The following GBP7 variants were observed in gnomAD, a reference collection of about 807,000 sequenced individuals.
GBP7 encodes the protein guanylate binding protein 7.
Under a neutral mutation model 61.3 loss-of-function variants are expected in GBP7, and 43 were observed. The ratio of observed to expected loss-of-function variants is 0.70; its 90% CI spans 0.55 to 0.91. The LOEUF is 0.91. GBP7 is among the 40% of genes least tolerant of loss of function. The pLI, the probability that GBP7 is intolerant of heterozygous loss-of-function variation, is 0.00. For synonymous variants in GBP7, 267 were observed against 271.0 expected (o/e 0.99, Z 0.14); for missense variants, 717 against 740.5 (o/e 0.97, Z 0.37).
At chr1:89,169,797 G>A (rs1048324214) in intron 2 of GBP7, among the ~76,000 whole-genome samples, 1 of 152,174 alleles carries the variant, frequency 6.6e-6, no homozygotes, top group African/African-American at 2.4e-5. Flanking sequence ...GAAGTTGATG[G>A]CTTCATGCTA....
intron 8 of GBP7, among the ~76,000 whole-genome samples, chr1:89,144,718 G>A (rs1441992400): frequency 6.6e-6 from 1 of 152,088 alleles, no homozygotes; most frequent in Non-Finnish European, 1.5e-5. Flanking sequence ...ACCTCATGCA[G>A]TTATCTTTTT....
At chr1:89,164,883 A>T (rs778768734) in intron 2 of GBP7, 25 bp from the exon 3 acceptor site, 3 of 1,611,712 alleles carry the variant, frequency 1.9e-6, no homozygotes, top group Non-Finnish European at 2.5e-6. Flanking sequence ...GAGAAACAAC[A>T]TATAGTGACA....
At position 89,154,656 on chromosome 1, in the gene GBP7, CT is replaced by C. The variant is rs750224571; in HGVS notation, c.319-1880del. On this transcript the variant is annotated intron_variant, in intron 3 of 10. Coordinates refer to ENST00000294671, the MANE Select transcript of GBP7 (RefSeq NM_207398.3). ...GCGACCACACCTGGCCTCTATTTTC[CT>C]TTTTTTTTTTTTAACTTTAAATTTA... Among the ~76,000 whole-genome samples the C allele has an allele frequency of 8.2e-3, 1,159 of 141,026 alleles. 4 individuals are homozygous for C. The highest frequency in any genetic ancestry group is 9.9e-3 in the South Asian group (44 of 4,424). The allele number at this position is 141,026 out of a possible 152,430, so 92.5% of individuals were successfully genotyped here.
At chr1:89,166,941 C>A (rs1482866972) in intron 2 of GBP7, among the ~76,000 whole-genome samples, 1 of 152,178 alleles carries the variant, frequency 6.6e-6, no homozygotes, top group Non-Finnish European at 1.5e-5. Context: ...TTTCAGAACA[C>A]CCTGCATGTA....
Position 89,170,841 on chromosome 1 carries a change from C to T in GBP7, c.190+905G>A, listed in dbSNP as rs115498893. ...TACTTCCAGTAATAGCCAGTCCTAA[C>T]CACAATCTTGCAAGTGGCCTTACTT... On this transcript the variant is annotated intron_variant, in intron 2 of 10. Transcript: ENST00000294671. Among the ~76,000 whole-genome samples, 1,348 of 152,280 alleles carry T rather than the reference C, an allele frequency of 8.9e-3. 14 individuals carry two copies. The highest frequency in any genetic ancestry group is 0.031 in the African/African-American group (1,282 of 41,552).
intron 4 of GBP7, 29 bp downstream of exon 4, chr1:89,152,639 A>G (rs201184762): frequency 6.3e-7 from 1 of 1,599,642 alleles, no homozygotes; most frequent in Admixed American, 1.7e-5. Flanking sequence ...ACTCCATAAA[A>G]CCTGGCTCTT....
rs1647376001 is a variant in GBP7, at chr1:89,164,796, G to A, written c.253C>T (p.His85Tyr). 1 of 1,613,346 alleles carries A rather than the reference G, an allele frequency of 6.2e-7. No homozygotes were observed. Among genetic ancestry groups the A allele is most frequent in the South Asian group, 1.1e-5 (1 of 91,072 alleles). The change falls in exon 3 of 11, where the codon CAC (histidine) becomes TAC (tyrosine). Residue 85 changes from histidine to tyrosine, a missense_variant. Around this residue, in one of 3 missense-constraint regions of GBP7, gnomAD observed 387 missense variants for 385.2 expected, o/e 1.00. Transcript: ENST00000294671. ...AGGGTGTGGTTTGGCTTGGAGGGGT[G>A]GGGCACACACCACATCCAGATGCCT... ...TKGIWMWCVP[H>Y]PSKPNHTLIL...
intron 3 of GBP7, among the ~76,000 whole-genome samples, chr1:89,158,580 A>T (rs1488136202): frequency 6.7e-6 from 1 of 148,390 alleles, no homozygotes; most frequent in Non-Finnish European, 1.5e-5. Context: ...ACAAACAGAA[A>T]GCCAAATCAT....
rs746502372 is a variant in GBP7, at chr1:89,152,732, G to A, written c.364C>T (p.Leu122=). The part of the protein sequence containing the change: ...DSWIFALAVL[L]SSSFVYNSMG... ...CTGTTGTAGACAAAGCTGCTGCTTA[G>A]AAGCACAGCCAGGGCAAAGATCCAC... The change falls in exon 4 of 11, where the codon CTA becomes TTA. Residue 122 remains leucine (L), a synonymous_variant. Coordinates refer to ENST00000294671, the MANE Select transcript of GBP7 (RefSeq NM_207398.3). 6.2e-7 allele frequency: 1 copy of A among 1,609,388 alleles called. No homozygotes were observed. The highest frequency in any genetic ancestry group is 2.2e-5 in the East Asian group (1 of 44,686).
chr1:89,174,315 T>G (rs1647682959), intron 1 of GBP7, among the ~76,000 whole-genome samples: 1 of 152,162 alleles, frequency 6.6e-6, no homozygotes. Flanking sequence ...TATAATTTTG[T>G]AGATATTGCC....
chr1:89,170,017 C>T (rs1011385607), intron 2 of GBP7, among the ~76,000 whole-genome samples: 2 of 152,188 alleles, frequency 1.3e-5, no homozygotes. Context: ...CAGATGCTTT[C>T]TTCCATGTAG....
chr1:89,150,086 T>G (rs1459617283), intron 6 of GBP7, among the ~76,000 whole-genome samples: 1 of 152,244 alleles, frequency 6.6e-6, no homozygotes. Context: ...AAGATTACGC[T>G]GAATTTTGTA....
rs1484381641 is a variant in GBP7, at chr1:89,133,397, T to C, written c.1523A>G (p.Lys508Arg). ...AEKEQELLRQ[K>R]QKEQQQMMEA... ...CATCATTTGCTGCTGTTCCTTCTGT[T>C]TTTGTCTTAGCAGCTCCTGTTCCTT... The change falls in exon 10 of 11, where the codon AAA becomes AGA. Residue 508 changes from lysine (K) to arginine (R), a missense_variant. Lys to Arg is a conservative substitution (Grantham distance 26, BLOSUM62 2). Around this residue, in one of 3 missense-constraint regions of GBP7, gnomAD observed 312 missense variants for 310.1 expected, o/e 1.01. Transcript: ENST00000294671. 2 of 1,614,010 alleles carry C rather than the reference T, an allele frequency of 1.2e-6. No individual in the cohort carries two copies. The highest frequency in any genetic ancestry group is 1.7e-6 in the Non-Finnish European group (2 of 1,180,020).
chr1:89,155,286 A>G lies in GBP7; in HGVS notation c.319-2509T>C, dbSNP rs185883166. Among the ~76,000 whole-genome samples the G allele has an allele frequency of 2.9e-3, 441 of 152,336 alleles. 3 individuals are homozygous for G. Among genetic ancestry groups the G allele is most frequent in the African/African-American group, 1.0e-2 (415 of 41,568 alleles). ...AAAAGCTGAAAATTCTAAAAATCAG[A>G]GCACCCCTTCTCCTCCAAAGGAATG... On this transcript the variant is annotated intron_variant, in intron 3 of 10. Transcript: ENST00000294671.
intron 3 of GBP7, 27 bp downstream of exon 3, chr1:89,164,704 G>C (rs887216391): frequency 6.2e-7 from 1 of 1,608,158 alleles, no homozygotes; most frequent in Non-Finnish European, 8.5e-7. Flanking sequence ...CAAAGGTAAA[G>C]AAGATTTCTC....
At chr1:89,138,785 T>C (rs1294201834) in intron 9 of GBP7, among the ~76,000 whole-genome samples, 1 of 151,982 alleles carries the variant, frequency 6.6e-6, no homozygotes, top group Non-Finnish European at 1.5e-5. Context: ...GATTTCCTGA[T>C]GAAAACTTCA....
chr1:89,169,696 G>C (rs1647545392), intron 2 of GBP7, among the ~76,000 whole-genome samples: 1 of 152,164 alleles, frequency 6.6e-6, no homozygotes, highest in Non-Finnish European at 1.5e-5. Context: ...TTCAAGAGAT[G>C]AGTCTCATGT....
chr1:89,163,301 T>G (rs1647325877), intron 3 of GBP7, among the ~76,000 whole-genome samples: 1 of 152,134 alleles, frequency 6.6e-6, no homozygotes. Flanking sequence ...GAGGAGTGCC[T>G]CCTCCTCAAT....
rs751079397 is a variant in GBP7, at chr1:89,152,283, A to G, written c.610T>C (p.Leu204=). The part of the protein sequence containing the change: ...ITEDEYLENA[L]KLISGKNPQI... ...GCTCTGATACCTGAAATCAGCTTCA[A>G]GGCATTCTCCAGGTACTCATCTTCT... Residue 204 remains leucine (L), a synonymous_variant, in exon 5 of 11, where the codon TTG becomes CTG. Transcript: ENST00000294671. 2 of 1,613,840 alleles carry G rather than the reference A, an allele frequency of 1.2e-6. No homozygotes were observed. The highest frequency in any genetic ancestry group is 1.7e-6 in the Non-Finnish European group (2 of 1,179,890).
Sources: allele counts gnomAD v4.1 joint callset (sites outside exome capture counted in the v4.1 genomes callset), GRCh38; gene constraint gnomAD v4.1.1; regional missense constraint gnomAD v4.1.1; transcripts MANE v1.5; gene names NCBI Gene and HGNC (gene_info 2026-07-23, HGNC 2026-07-21).